Variants in CORIN observed in about 807,000 individuals in gnomAD.
CORIN encodes atrial natriuretic peptide-converting enzyme.
CORIN carries 117 observed loss-of-function variants against 125.3 expected under a neutral mutation model. The ratio of observed to expected loss-of-function variants is 0.93; its 90% CI spans 0.80 to 1.09. The LOEUF is 1.09. Among genes scored for constraint, CORIN ranks in the 50% least tolerant of loss-of-function variants. CORIN has a pLI of 0.00. For synonymous variants in CORIN, 450 were observed against 466.4 expected, an observed-to-expected ratio of 0.96 and a Z score of 0.45; for missense variants, 1,253 against 1,306.7, an observed-to-expected ratio of 0.96 and a Z score of 0.63.
chr4:47,805,386 C>T (rs1028471023), intron 2 of CORIN, among the ~76,000 whole-genome samples: 2 of 151,998 alleles, frequency 1.3e-5, no homozygotes, highest in Non-Finnish European at 2.9e-5. Flanking sequence ...AGCCAGAAAT[C>T]CAGGAGTCAG....
intron 10 of CORIN, among the ~76,000 whole-genome samples, chr4:47,673,584 C>A (rs1724869531): frequency 6.6e-6 from 1 of 152,062 alleles, no homozygotes; most frequent in South Asian, 2.1e-4. Flanking sequence ...CCATGAGAGT[C>A]CATAGGGTGC....
At chr4:47,676,373 TG>T (rs1560500897) in intron 9 of CORIN, among the ~76,000 whole-genome samples, 1 of 152,208 alleles carries the variant, frequency 6.6e-6, no homozygotes, top group African/African-American at 2.4e-5. Flanking sequence ...CCGTTCTTTT[TG>T]GTTAACCCCA....
chr4:47,688,914 CT>C (rs1486211797), intron 6 of CORIN, among the ~76,000 whole-genome samples: 1 of 152,144 alleles, frequency 6.6e-6, no homozygotes, highest in African/African-American at 2.4e-5. Context: ...GCAGCTACAT[CT>C]TAGTAGAAAG....
chr4:47,706,350 G>C (rs1342902833), intron 5 of CORIN: 4 of 1,566,246 alleles, frequency 2.6e-6, no homozygotes, highest in Non-Finnish European at 2.6e-6. Flanking sequence ...TCCGTCTGGC[G>C]GCAGCCATCA....
At chr4:47,825,288 C>A (rs1375479357) in intron 1 of CORIN, among the ~76,000 whole-genome samples, 3 of 152,184 alleles carry the variant, frequency 2.0e-5, no homozygotes, top group African/African-American at 7.2e-5. Context: ...GGCCCCCTCC[C>A]CATAGAAGTG....
intron 1 of CORIN, among the ~76,000 whole-genome samples, chr4:47,824,732 G>A (rs1560566300): frequency 6.6e-6 from 1 of 152,168 alleles, no homozygotes; most frequent in Non-Finnish European, 1.5e-5. Flanking sequence ...CCAGATTAGA[G>A]CTGTGTATCC....
chr4:47,760,241 C>T (rs974707780), intron 4 of CORIN, among the ~76,000 whole-genome samples: 3 of 152,186 alleles, frequency 2.0e-5, no homozygotes, highest in African/African-American at 7.2e-5. Context: ...CCTCTTACAT[C>T]TCCGTAGAGC....
At chr4:47,674,974 C>A (rs1256117812) in intron 9 of CORIN, among the ~76,000 whole-genome samples, 1 of 152,148 alleles carries the variant, frequency 6.6e-6, no homozygotes, top group African/African-American at 2.4e-5. Context: ...AACACCAATA[C>A]AATAAGGATA....
intron 2 of CORIN, among the ~76,000 whole-genome samples, chr4:47,788,934 T>A (rs556219643): frequency 2.0e-5 from 3 of 152,360 alleles, no homozygotes; most frequent in African/African-American, 7.2e-5. Flanking sequence ...TTGGTAATAA[T>A]TAGCCTTATT....
At chr4:47,797,666 GTATAA>G (rs2109936052) in intron 2 of CORIN, among the ~76,000 whole-genome samples, 1 of 151,936 alleles carries the variant, frequency 6.6e-6, no homozygotes, top group East Asian at 1.9e-4. Flanking sequence ...TGTTACTTGG[GTATAA>G]TATGACTATT....
chr4:47,633,074 G>A (rs773251628), intron 16 of CORIN, among the ~76,000 whole-genome samples: 6 of 152,206 alleles, frequency 3.9e-5, no homozygotes, highest in Non-Finnish European at 7.4e-5. Flanking sequence ...GAGCCACTGC[G>A]CCCAGCCTAT....
At chr4:47,684,190 T>C (rs780292145) in intron 6 of CORIN, among the ~76,000 whole-genome samples, 7 of 152,238 alleles carry the variant, frequency 4.6e-5, no homozygotes, top group Non-Finnish European at 7.3e-5. Flanking sequence ...GTAACTCTTA[T>C]GTTTTCTTTA....
intron 16 of CORIN, among the ~76,000 whole-genome samples, chr4:47,640,606 A>G (rs1723197701): frequency 6.6e-6 from 1 of 152,246 alleles, no homozygotes. Context: ...ATGCCACTGA[A>G]TTATACACTT....
intron 5 of CORIN, among the ~76,000 whole-genome samples, chr4:47,714,401 G>A (rs1726996912): frequency 6.6e-6 from 1 of 152,172 alleles, no homozygotes; most frequent in Non-Finnish European, 1.5e-5. Context: ...AGCTAGAAGA[G>A]ACTGGCAATC....
At chr4:47,662,208 C>G (rs1724282246) in intron 11 of CORIN, among the ~76,000 whole-genome samples, 1 of 152,168 alleles carries the variant, frequency 6.6e-6, no homozygotes, top group African/African-American at 2.4e-5. Context: ...AGGGAAGTCT[C>G]CAACATCACT....
intron 9 of CORIN, among the ~76,000 whole-genome samples, chr4:47,675,185 C>A (rs1037286377): frequency 1.3e-5 from 2 of 152,114 alleles, no homozygotes; most frequent in South Asian, 4.1e-4. Flanking sequence ...ATTCCCTGGT[C>A]ATTTGTAGAT....
rs565970601 is a variant in CORIN at position 47,822,810 on chromosome 4, C to T, written c.63+15077G>A. On this transcript the variant is annotated intron_variant, in intron 1 of 21. Coordinates refer to ENST00000273857, the MANE Select transcript of CORIN (RefSeq NM_006587.4). ...CATGTTAATATACCATCTCTTCAAA[C>T]TTTCCATTTCTTTTTTTTTTTTTTG... is the stretch of plus-strand genomic sequence containing the variant. 1.4e-3 allele frequency among the ~76,000 whole-genome samples: 207 copies of T among 151,158 alleles called. 2 individuals carry two copies. The highest frequency in any genetic ancestry group is 6.9e-3 in the Middle Eastern group (2 of 290).
intron 1 of CORIN, 75 bp from the exon 2 acceptor site, chr4:47,807,122 C>G (rs751025195): frequency 2.6e-6 from 3 of 1,151,624 alleles, no homozygotes; most frequent in Non-Finnish European, 3.7e-6. Context: ...TTACAGCTAT[C>G]CATTTAGAAC....
chr4:47,775,116 C>T (rs1429289244), intron 3 of CORIN, among the ~76,000 whole-genome samples: 1 of 152,094 alleles, frequency 6.6e-6, no homozygotes, highest in African/African-American at 2.4e-5. Flanking sequence ...GACAAGATGG[C>T]TGACTAGACG....
Sources: allele counts gnomAD v4.1 joint callset (sites outside exome capture counted in the v4.1 genomes callset), GRCh38; gene constraint gnomAD v4.1.1; transcripts MANE v1.5; gene names NCBI Gene and HGNC (gene_info 2026-07-23, HGNC 2026-07-21).